NLGN1: variants seen among roughly 807,000 people sequenced by gnomAD.
The protein encoded by NLGN1 is neuroligin 1, also known as neuroligin-1.
In NLGN1, 12 loss-of-function variants were observed where a neutral mutation model predicts 65.5. The ratio of observed to expected loss-of-function variants is 0.18; its 90% CI spans 0.12 to 0.30. The LOEUF (loss-of-function observed/expected upper bound fraction) is 0.30, where lower values mean the gene tolerates loss of function less well. Among genes scored for constraint, NLGN1 ranks in the 10% least tolerant of loss-of-function variants. The pLI, the probability that NLGN1 is intolerant of heterozygous loss-of-function variation, is 1.00. For missense variants in NLGN1, 750 were observed against 1,007.1 expected (o/e 0.74, Z 3.46); for synonymous variants, 350 against 359.5 (o/e 0.97, Z 0.30).
intron 1 of NLGN1, among the ~76,000 whole-genome samples, chr3:173,425,450 G>GT (rs1560234259): frequency 2.6e-5 from 4 of 151,818 alleles, no homozygotes; most frequent in South Asian, 2.1e-4. Context: ...TTTTCCCAGT[G>GT]TTTTTTCTAA....
intron 2 of NLGN1, among the ~76,000 whole-genome samples, chr3:173,579,722 T>TCCC (rs1328036078): frequency 6.6e-6 from 1 of 152,218 alleles, no homozygotes; most frequent in East Asian, 1.9e-4. Flanking sequence ...TTGTAAACAG[T>TCCC]CACCTTTGCA....
At chr3:173,753,969 T>TATAATATAATATAATATAATA (rs1553836569) in intron 3 of NLGN1, among the ~76,000 whole-genome samples, 7 of 144,714 alleles carry the variant, frequency 4.8e-5, no homozygotes, top group Non-Finnish European at 9.0e-5. Context: ...TATAATATAA[T>TATAATATAATATAATATAATA]ATAATATCTA....
chr3:173,903,634 A>G (rs1737793931), intron 4 of NLGN1, among the ~76,000 whole-genome samples: 1 of 152,194 alleles, frequency 6.6e-6, no homozygotes, highest in African/African-American at 2.4e-5. Context: ...GGCCAGGCCT[A>G]CATATCAAGG....
intron 3 of NLGN1, among the ~76,000 whole-genome samples, chr3:173,643,853 A>G (rs1560097877): frequency 1.3e-5 from 2 of 152,272 alleles, no homozygotes; most frequent in South Asian, 2.1e-4. Context: ...GGAGTGTGCC[A>G]TCATGTGCAC....
intron 4 of NLGN1, among the ~76,000 whole-genome samples, chr3:174,225,803 A>G (rs1256564390): frequency 6.6e-6 from 1 of 152,094 alleles, no homozygotes; most frequent in African/African-American, 2.4e-5. Context: ...ATTATTTATA[A>G]TTAAGACCAT....
At chr3:174,204,167 T>C (rs1401987352) in intron 4 of NLGN1, among the ~76,000 whole-genome samples, 2 of 152,162 alleles carry the variant, frequency 1.3e-5, no homozygotes, top group Admixed American at 1.3e-4. Context: ...GGGCTTTTTG[T>C]TTTGTTTTGT....
At chr3:173,540,857 T>C (rs1478871882) in intron 2 of NLGN1, among the ~76,000 whole-genome samples, 7 of 152,214 alleles carry the variant, frequency 4.6e-5, no homozygotes, top group Non-Finnish European at 1.0e-4. Context: ...AACTTATATA[T>C]TATGTATCTA....
chr3:174,099,457 G>A (rs2152572539), intron 4 of NLGN1, among the ~76,000 whole-genome samples: 2 of 152,256 alleles, frequency 1.3e-5, no homozygotes, highest in South Asian at 4.1e-4. Flanking sequence ...CAATGCCCCA[G>A]TTTCACTGCA....
intron 3 of NLGN1, among the ~76,000 whole-genome samples, chr3:173,684,748 A>G (rs1288724430): frequency 3.3e-5 from 5 of 152,168 alleles, no homozygotes; most frequent in Admixed American, 3.3e-4. Context: ...CATGATGAAA[A>G]TATTTGAAGC....
rs142897980 is a variant in NLGN1, at chr3:173,746,372, T to A, written c.494-61308T>A. Among the ~76,000 whole-genome samples the A allele has an allele frequency of 3.9e-3, 588 of 152,248 alleles. 3 individuals carry two copies. The highest frequency in any genetic ancestry group is 5.1e-3 in the Non-Finnish European group (347 of 68,006). The stretch of plus-strand genomic sequence containing the variant: ...CTTATTCTCAAGATAAAGTTTAAAA[T>A]GCTTAGCTAGACTCTATATGACCTT... On this transcript the variant is annotated intron_variant, in intron 3 of 6. Transcript: ENST00000457714.
At chr3:174,262,627 A>C (rs1000566241) in intron 4 of NLGN1, among the ~76,000 whole-genome samples, 3 of 151,736 alleles carry the variant, frequency 2.0e-5, no homozygotes, top group Non-Finnish European at 4.4e-5. Context: ...TGATCCTTTC[A>C]AAAACCAGCT....
At chr3:174,272,875 A>T (rs2152881397) in intron 4 of NLGN1, among the ~76,000 whole-genome samples, 1 of 151,746 alleles carries the variant, frequency 6.6e-6, no homozygotes, top group East Asian at 1.9e-4. Flanking sequence ...GATTTACTCT[A>T]CTTTCTATGC....
intron 5 of NLGN1, among the ~76,000 whole-genome samples, chr3:174,276,829 GTTTC>G (rs968177478): frequency 1.3e-5 from 2 of 151,776 alleles, no homozygotes; most frequent in African/African-American, 4.8e-5. Context: ...TAAACTTAGT[GTTTC>G]TTTAATTAAA....
chr3:174,085,912 T>C (rs1342609221), intron 4 of NLGN1, among the ~76,000 whole-genome samples: 2 of 152,040 alleles, frequency 1.3e-5, no homozygotes, highest in Non-Finnish European at 2.9e-5. Flanking sequence ...TCTGAGCTTC[T>C]ATCATGGTCA....
chr3:174,284,825 G>A (rs1411899924), exon 7 of NLGN1: 1 of 151,382 alleles, frequency 6.6e-6, no homozygotes, highest in Admixed American at 6.6e-5. Flanking sequence ...CAGAAAATCT[G>A]AGTATATATT....
chr3:173,711,589 C>T (rs1769000328), intron 3 of NLGN1, among the ~76,000 whole-genome samples: 1 of 152,138 alleles, frequency 6.6e-6, no homozygotes, highest in Admixed American at 6.6e-5. Flanking sequence ...TTTCATATTG[C>T]TTGGCTCCAG....
At chr3:174,230,465 G>T in intron 4 of NLGN1, among the ~76,000 whole-genome samples, 1 of 152,064 alleles carries the variant, frequency 6.6e-6, no homozygotes, top group South Asian at 2.1e-4. Flanking sequence ...AACTTTCTGA[G>T]AAAAAAAGTT....
intron 2 of NLGN1, among the ~76,000 whole-genome samples, chr3:173,561,581 A>T (rs1284970006): frequency 6.6e-6 from 1 of 152,220 alleles, no homozygotes; most frequent in Admixed American, 6.5e-5. Flanking sequence ...CAAAAATTAA[A>T]TATATGTGGT....
intron 3 of NLGN1, among the ~76,000 whole-genome samples, chr3:173,665,709 T>A (rs1320682513): frequency 6.6e-6 from 1 of 152,198 alleles, no homozygotes; most frequent in African/African-American, 2.4e-5. Context: ...AAAAGATATG[T>A]ATTTCAATGG....
Sources: allele counts gnomAD v4.1 joint callset (sites outside exome capture counted in the v4.1 genomes callset), GRCh38; gene constraint gnomAD v4.1.1; transcripts MANE v1.5; gene names NCBI Gene and HGNC (gene_info 2026-07-23, HGNC 2026-07-21).